The following FAM13A variants were observed in gnomAD, a reference collection of about 807,000 sequenced individuals.
FAM13A encodes family with sequence similarity 13 member A, also known as protein FAM13A.
Under a neutral mutation model 129.6 loss-of-function variants are expected in FAM13A, and 76 were observed. The ratio of observed to expected loss-of-function variants is 0.59; its 90% confidence interval spans 0.49 to 0.71. FAM13A has a LOEUF of 0.71. Ranked by LOEUF, FAM13A falls within the 30% of genes least tolerant of loss-of-function variation. The pLI is 0.00. For synonymous variants in FAM13A, 443 were observed against 449.9 expected (o/e 0.98, Z 0.20); for missense variants, 1,108 against 1,249.3 (o/e 0.89, Z 1.70).
chr4:88,928,090 C>G lies in FAM13A; in HGVS notation c.759+9998G>C, dbSNP rs1345205467. 5.9e-5 allele frequency among the ~76,000 whole-genome samples: 9 copies of G among 151,936 alleles called. No homozygotes were observed. In the South Asian group the frequency reaches 1.7e-3, roughly 28 times the overall value. On this transcript the variant is annotated intron_variant, in intron 5 of 23. Transcript: ENST00000264344. ...TTTCTGTCTTAATTTCTTCATTGAC[C>G]CAGTGATCATTCAGGAGCATGTTGT...
intron 2 of FAM13A, among the ~76,000 whole-genome samples, chr4:89,028,090 C>A (rs1560865363): frequency 6.6e-6 from 1 of 151,062 alleles, no homozygotes; most frequent in Non-Finnish European, 1.5e-5. Context: ...TCTGTAATCC[C>A]TGCTACTTGG....
Position 88,767,663 on chromosome 4 carries a change from T to G in FAM13A, c.1536-68A>C. On this transcript the variant is annotated intron_variant, in intron 12 of 23. Transcript: ENST00000264344. ...TTGTTTTATAACGTTTTTCATCCAC[T>G]GATATTATGATTTAATTTAAGAGTA... 2.5e-6 allele frequency: 3 copies of G among 1,205,116 alleles called. No homozygotes were observed. The Admixed American group carries it at 6.9e-5, about 28-fold the overall frequency. 74.7% of individuals were successfully genotyped at this position (1,205,116 alleles called of 1,614,324 possible). A position where few individuals can be genotyped will look rare whatever the true frequency, so the allele number is the denominator to read the frequency against.
intron 13 of FAM13A, among the ~76,000 whole-genome samples, chr4:88,761,711 G>T (rs181743301): frequency 1.5e-4 from 23 of 151,970 alleles, no homozygotes; most frequent in Non-Finnish European, 7.4e-5. Flanking sequence ...ACTGTGAAAG[G>T]CCTCATATGC....
chr4:88,960,223 C>G (rs554234984), intron 4 of FAM13A, among the ~76,000 whole-genome samples: 1 of 152,102 alleles, frequency 6.6e-6, no homozygotes, highest in Non-Finnish European at 1.5e-5. Flanking sequence ...ATAAGAAATC[C>G]GTCAGGAAAA....
At chr4:88,938,394 T>C (rs1485912647) in intron 4 of FAM13A, among the ~76,000 whole-genome samples, 153 bp from the exon 5 acceptor site, 2 of 152,332 alleles carry the variant, frequency 1.3e-5, no homozygotes, top group South Asian at 4.1e-4. Context: ...TGCATGACAT[T>C]GTTGGGGCAA....
intron 4 of FAM13A, among the ~76,000 whole-genome samples, chr4:88,988,462 T>C (rs931464937): frequency 6.6e-6 from 1 of 152,230 alleles, no homozygotes; most frequent in Non-Finnish European, 1.5e-5. Context: ...TAAGGATGCA[T>C]TATTAAGTAT....
intron 1 of FAM13A, among the ~76,000 whole-genome samples, chr4:89,049,974 G>A (rs1422886790): frequency 6.6e-6 from 1 of 152,186 alleles, no homozygotes; most frequent in Non-Finnish European, 1.5e-5. Flanking sequence ...AGAGCAAGAG[G>A]CAAGAAATAC....
At chr4:88,800,591 A>T (rs1405500839) in intron 8 of FAM13A, among the ~76,000 whole-genome samples, 1 of 151,416 alleles carries the variant, frequency 6.6e-6, no homozygotes, top group Non-Finnish European at 1.5e-5. Flanking sequence ...AGGCTGAGGC[A>T]GGAGAATCAC....
intron 1 of FAM13A, among the ~76,000 whole-genome samples, chr4:89,034,556 A>G (rs1335088495): frequency 6.6e-6 from 1 of 152,246 alleles, no homozygotes; most frequent in Non-Finnish European, 1.5e-5. Flanking sequence ...CATTTAACCC[A>G]GAGATCCTAT....
At chr4:88,817,679 TG>T (rs1731044183) in intron 7 of FAM13A, among the ~76,000 whole-genome samples, 1 of 152,096 alleles carries the variant, frequency 6.6e-6, no homozygotes, top group South Asian at 2.1e-4. Context: ...CACAGACAAA[TG>T]TAAGTTTCAT....
intron 3 of FAM13A, among the ~76,000 whole-genome samples, chr4:88,995,556 G>T (rs1263513923): frequency 1.3e-5 from 2 of 152,106 alleles, no homozygotes; most frequent in South Asian, 4.1e-4. Flanking sequence ...CTGGACCCTT[G>T]GTCTTACACC....
At chr4:88,884,902 T>C (rs1469945592) in intron 6 of FAM13A, among the ~76,000 whole-genome samples, 6 of 152,030 alleles carry the variant, frequency 3.9e-5, no homozygotes, top group African/African-American at 1.4e-4. Context: ...TTAGAATAGC[T>C]GTAAAAAAAT....
intron 6 of FAM13A, among the ~76,000 whole-genome samples, chr4:88,876,111 G>C (rs778981106): frequency 6.6e-6 from 1 of 152,090 alleles, no homozygotes; most frequent in Admixed American, 6.5e-5. Context: ...TGGACACAGG[G>C]TGGGGAACAT....
chr4:88,736,910 T>A (rs1399045519), intron 21 of FAM13A, among the ~76,000 whole-genome samples: 2 of 152,264 alleles, frequency 1.3e-5, no homozygotes, highest in South Asian at 2.1e-4. Context: ...AAATGTGCTA[T>A]GAGAAAGTCA....
At chr4:88,926,870 T>C (rs994368471) in intron 5 of FAM13A, among the ~76,000 whole-genome samples, 2 of 152,202 alleles carry the variant, frequency 1.3e-5, no homozygotes, top group African/African-American at 4.8e-5. Context: ...TACCATGCTA[T>C]TAAAAATTTA....
intron 6 of FAM13A, among the ~76,000 whole-genome samples, chr4:88,884,451 C>T (rs769509692): frequency 2.6e-5 from 4 of 152,108 alleles, no homozygotes; most frequent in African/African-American, 7.2e-5. Flanking sequence ...AATCCATCAT[C>T]GCTTTATTAT....
chr4:88,828,880 T>G (rs1733456491), intron 7 of FAM13A, among the ~76,000 whole-genome samples: 1 of 152,256 alleles, frequency 6.6e-6, no homozygotes, highest in Non-Finnish European at 1.5e-5. Flanking sequence ...AGTAAGATTC[T>G]ATCCAAAACT....
chr4:88,750,620 A>C lies in FAM13A; in HGVS notation c.1744T>G (p.Ser582Ala). The change falls in exon 15 of 24, where the codon TCC (serine) becomes GCC (alanine). Residue 582 changes from serine (S) to alanine (A), a missense_variant. By Grantham distance (99) the Ser-to-Ala change is moderately conservative. This residue lies in a region of FAM13A where 529 missense variants were observed against 621.2 expected (regional missense o/e 0.85). Coordinates refer to ENST00000264344, the MANE Select transcript of FAM13A (RefSeq NM_014883.4). Reference protein sequence around the residue: ...KNWEEPIPAFSSWQRENSDSD... With the variant: ...KNWEEPIPAFASWQRENSDSD... The stretch of plus-strand genomic sequence containing the variant: ...TCACTGTTCTCCCGCTGCCAGGAGG[A>C]GAAAGCAGGGATAGGCTCTGGAAGA... 6.2e-7 allele frequency: 1 copy of C among 1,613,020 alleles called. No individual in the cohort carries two copies. The highest frequency in any genetic ancestry group is 8.5e-7 in the Non-Finnish European group (1 of 1,179,932).
intron 4 of FAM13A, among the ~76,000 whole-genome samples, chr4:88,940,793 T>C (rs1288120766): frequency 6.6e-6 from 1 of 152,178 alleles, no homozygotes; most frequent in Non-Finnish European, 1.5e-5. Flanking sequence ...CCTCAGCCAT[T>C]GTAGCATGAG....
Sources: allele counts gnomAD v4.1 joint callset (sites outside exome capture counted in the v4.1 genomes callset), GRCh38; gene constraint gnomAD v4.1.1; regional missense constraint gnomAD v4.1.1; transcripts MANE v1.5; gene names NCBI Gene and HGNC (gene_info 2026-07-23, HGNC 2026-07-21).